The following LIFR variants were observed in gnomAD, a reference collection of about 807,000 sequenced individuals.
LIFR encodes leukemia inhibitory factor receptor.
In LIFR, 84 loss-of-function variants were observed where a neutral mutation model predicts 122.2. The ratio of observed to expected loss-of-function variants is 0.69; its 90% confidence interval spans 0.58 to 0.82. LIFR has a LOEUF of 0.82. LIFR is among the 40% of genes least tolerant of loss of function. The pLI, the probability that LIFR is intolerant of heterozygous loss-of-function variation, is 0.00. For missense variants in LIFR, 1,294 were observed against 1,311.6 expected (o/e 0.99, Z 0.21); for synonymous variants, 422 against 434.7 (o/e 0.97, Z 0.36).
chr5:38,481,080 G>T lies in LIFR; in HGVS notation c.*515C>A, dbSNP rs1743959703. 4.3e-6 allele frequency: 1 copy of T among 233,928 alleles called. No individual in the cohort carries two copies. The highest frequency in any genetic ancestry group is 8.5e-6 in the Non-Finnish European group (1 of 117,890). The allele number at this position is 233,928 out of a possible 1,614,324, so 14.5% of individuals were successfully genotyped here. On this transcript the variant is annotated 3_prime_UTR_variant, in exon 20 of 20. Transcript: ENST00000453190. ...AAAAATTATATTAATTTTTGTGAAT[G>T]CTGTGGATAGAGGAGAATAATCTTA...
In LIFR at chr5:38,581,039, T is replaced by TA. The variant is rs34514069; in HGVS notation, c.-20+14221dup. ...CTCTGTGCCTCAGTTTCCTCATCTA[T>TA]AAAAAAAGGATCATTACAATGTCTA... is the stretch of plus-strand genomic sequence containing the variant. On this transcript the variant is annotated intron_variant, in intron 1 of 19. Transcript: ENST00000263409. 8.5e-3 allele frequency among the ~76,000 whole-genome samples: 1,296 copies of TA among 152,130 alleles called. 11 individuals are homozygous for TA. The highest frequency in any genetic ancestry group is 0.028 in the African/African-American group (1,169 of 41,502).
chr5:38,484,582 T>G (rs1293729267), intron 18 of LIFR, among the ~76,000 whole-genome samples, 193 bp downstream of exon 18: 1 of 152,192 alleles, frequency 6.6e-6, no homozygotes, highest in African/African-American at 2.4e-5. Context: ...ATTTACACAT[T>G]GACTCTATTA....
chr5:38,557,123 T>C (rs1281231380), upstream of LIFR: 1 of 152,196 alleles, frequency 6.6e-6, no homozygotes, highest in African/African-American at 2.4e-5. Context: ...TTGTTGGGAC[T>C]TTGCGAATTA....
chr5:38,506,195 A>G (rs934500901), intron 8 of LIFR, 121 bp from the exon 9 acceptor site: 18 of 677,314 alleles, frequency 2.7e-5, no homozygotes, highest in Non-Finnish European at 4.0e-5. Context: ...GAAGCATATT[A>G]CATACTCAGA....
chr5:38,538,541 T>C (rs1378110359), intron 1 of LIFR, among the ~76,000 whole-genome samples: 2 of 152,232 alleles, frequency 1.3e-5, no homozygotes, highest in Non-Finnish European at 2.9e-5. Context: ...ACCTGCTCTC[T>C]TGTAGCCCCG....
intron 1 of LIFR, among the ~76,000 whole-genome samples, chr5:38,550,760 T>C (rs1354197778): frequency 6.6e-6 from 1 of 151,992 alleles, no homozygotes; most frequent in Non-Finnish European, 1.5e-5. Flanking sequence ...TAGAGAGGAG[T>C]TGAGAACCCT....
chr5:38,527,214 TTTA>T lies in LIFR; in HGVS notation c.335_337del (p.Ile112del). 1 of 1,588,294 alleles carries T rather than the reference TTTA, an allele frequency of 6.3e-7. No homozygotes were observed. Among genetic ancestry groups the T allele is most frequent in the Non-Finnish European group, 8.6e-7 (1 of 1,157,494 alleles). On this transcript the variant is annotated inframe_deletion, in exon 4 of 20. Transcript: ENST00000453190. ...AGAACTTCCAAAATCATGTAGAGAA[TTTA>T]TTGTTATTTCATAATCACCATGTGA...
chr5:38,604,075 G>A (rs1049063454), intron 2 of LIFR, among the ~76,000 whole-genome samples: 5 of 152,188 alleles, frequency 3.3e-5, no homozygotes, highest in African/African-American at 4.8e-5. Flanking sequence ...CAGTGAACAC[G>A]AGCATAATCT....
chr5:38,543,002 T>C (rs941163160), intron 1 of LIFR, among the ~76,000 whole-genome samples: 2 of 152,014 alleles, frequency 1.3e-5, no homozygotes, highest in African/African-American at 4.8e-5. Flanking sequence ...GCAACAAATA[T>C]GACAAGTGTC....
upstream of LIFR, among the ~76,000 whole-genome samples, chr5:38,598,729 TA>T: frequency 6.6e-6 from 1 of 152,180 alleles, no homozygotes; most frequent in East Asian, 1.9e-4. Context: ...CTGGGCTGCT[TA>T]CCCCTTTTCT....
chr5:38,485,415 C>T (rs1391665002), intron 17 of LIFR, among the ~76,000 whole-genome samples: 1 of 152,190 alleles, frequency 6.6e-6, no homozygotes, highest in African/African-American at 2.4e-5. Context: ...AAGGCCATCA[C>T]TCTTCTCTCA....
intron 4 of LIFR, among the ~76,000 whole-genome samples, chr5:38,525,989 T>C (rs927302932): frequency 3.3e-5 from 5 of 152,198 alleles, no homozygotes; most frequent in African/African-American, 1.2e-4. Flanking sequence ...ATATCCAACA[T>C]TTCAAGCTAA....
intron 2 of LIFR, among the ~76,000 whole-genome samples, chr5:38,602,152 C>T (rs1426165357): frequency 6.6e-6 from 1 of 152,190 alleles, no homozygotes; most frequent in African/African-American, 2.4e-5. Flanking sequence ...ACCTCCCAAT[C>T]AGTCCTCCAA....
At chr5:38,594,495 A>G (rs1750032929) in intron 1 of LIFR, among the ~76,000 whole-genome samples, 1 of 152,128 alleles carries the variant, frequency 6.6e-6, no homozygotes, top group Non-Finnish European at 1.5e-5. Context: ...AATTGCAACA[A>G]ATGTACCACA....
chr5:38,580,727 A>G (rs1463452880), intron 1 of LIFR, among the ~76,000 whole-genome samples: 2 of 152,034 alleles, frequency 1.3e-5, no homozygotes, highest in Non-Finnish European at 2.9e-5. Flanking sequence ...CCTCGTTCCA[A>G]TTCATTGCTT....
chr5:38,534,148 T>G (rs1016763008), intron 1 of LIFR, among the ~76,000 whole-genome samples: 11 of 152,216 alleles, frequency 7.2e-5, no homozygotes, highest in Non-Finnish European at 1.5e-4. Context: ...CTTTCTTTAC[T>G]GTTTCCTAGG....
chr5:38,585,309 A>G (rs891586906), intron 1 of LIFR, among the ~76,000 whole-genome samples: 1 of 152,234 alleles, frequency 6.6e-6, no homozygotes, highest in Non-Finnish European at 1.5e-5. Flanking sequence ...AATACATGTT[A>G]TGTAAGAGAC....
chr5:38,518,599 G>A (rs944592293), intron 5 of LIFR, among the ~76,000 whole-genome samples: 1 of 152,064 alleles, frequency 6.6e-6, no homozygotes. Context: ...CTGTGCTGCT[G>A]GTATAAGAGT....
intron 1 of LIFR, among the ~76,000 whole-genome samples, chr5:38,592,781 A>T (rs184524327): frequency 6.6e-6 from 1 of 152,034 alleles, no homozygotes; most frequent in East Asian, 1.9e-4. Context: ...TTTAGTTTGT[A>T]TGGATATATA....
Sources: allele counts gnomAD v4.1 joint callset (sites outside exome capture counted in the v4.1 genomes callset), GRCh38; gene constraint gnomAD v4.1.1; transcripts MANE v1.5; gene names NCBI Gene and HGNC (gene_info 2026-07-23, HGNC 2026-07-21).